The following ZBTB20 variants were observed in gnomAD, a reference collection of about 807,000 sequenced individuals.
The protein encoded by ZBTB20 is zinc finger and BTB domain containing 20.
In ZBTB20, 9 loss-of-function variants were observed where a neutral mutation model predicts 56.9. The observed-to-expected ratio is 0.16, with a 90% CI of 0.10 to 0.28. The LOEUF (loss-of-function observed/expected upper bound fraction) is 0.28. Among genes scored for constraint, ZBTB20 ranks in the 10% least tolerant of loss-of-function variants. The probability of loss-of-function intolerance (pLI) is 1.00; values close to 1 mark genes in which losing one functional copy is unlikely to be tolerated. For synonymous variants in ZBTB20, 417 were observed against 420.7 expected (o/e 0.99, Z 0.11); for missense variants, 655 against 1,003.0 (o/e 0.65, Z 4.69).
At chr3:114,854,271 T>G (rs2075139107) in intron 4 of ZBTB20, among the ~76,000 whole-genome samples, 1 of 152,174 alleles carries the variant, frequency 6.6e-6, no homozygotes, top group Non-Finnish European at 1.5e-5. Context: ...ATAAGAGCCT[T>G]AATAATAAAA....
At chr3:114,804,361 G>A (rs1000450730) in intron 4 of ZBTB20, among the ~76,000 whole-genome samples, 9 of 151,858 alleles carry the variant, frequency 5.9e-5, no homozygotes, top group Non-Finnish European at 4.4e-5. Flanking sequence ...ATATCACCAG[G>A]TCACAGAACT....
At chr3:115,025,485 C>A (rs1188870738) in intron 2 of ZBTB20, among the ~76,000 whole-genome samples, 3 of 150,816 alleles carry the variant, frequency 2.0e-5, no homozygotes, top group Non-Finnish European at 3.0e-5. Flanking sequence ...TGAAGATTCA[C>A]ATGAAATAGC....
At chr3:114,620,300 CT>C (rs922730144) in intron 6 of ZBTB20, among the ~76,000 whole-genome samples, 1 of 151,060 alleles carries the variant, frequency 6.6e-6, no homozygotes, top group Admixed American at 6.6e-5. Flanking sequence ...CTTTTCTTTT[CT>C]TTTTTTTTGA....
intron 5 of ZBTB20, among the ~76,000 whole-genome samples, chr3:114,776,277 T>C (rs757902377): frequency 2.0e-5 from 3 of 151,658 alleles, no homozygotes; most frequent in Non-Finnish European, 4.4e-5. Flanking sequence ...AAAAAAAGAC[T>C]TTGCAGGTAT....
At chr3:114,905,189 TA>T (rs946511318) in intron 3 of ZBTB20, among the ~76,000 whole-genome samples, 10 of 151,916 alleles carry the variant, frequency 6.6e-5, no homozygotes, top group Non-Finnish European at 8.8e-5. Context: ...TCACAACTTT[TA>T]AAATAAAAGT....
Position 114,967,657 on chromosome 3 carries a change from A to T in ZBTB20, c.-456+6709T>A, listed in dbSNP as rs1171335482. Among the ~76,000 whole-genome samples, 3 of 152,162 alleles carry T rather than the reference A, an allele frequency of 2.0e-5. No individual in the cohort carries two copies. In the East Asian group the frequency reaches 5.8e-4, roughly 29 times the overall value. On this transcript the variant is annotated intron_variant, in intron 3 of 11. Transcript: ENST00000675478. ...AAGTCTCTTTCACCCTGATAAATACATTTAAAAAGTTGATCTCGGCTGGTC... is the reference window on the plus strand; with the variant it reads ...AAGTCTCTTTCACCCTGATAAATACTTTTAAAAAGTTGATCTCGGCTGGTC...
chr3:114,919,886 C>T (rs968044109), intron 3 of ZBTB20, among the ~76,000 whole-genome samples: 1 of 152,064 alleles, frequency 6.6e-6, no homozygotes, highest in Non-Finnish European at 1.5e-5. Flanking sequence ...AAGAGGCTCA[C>T]TTTAGCTGAA....
Position 114,802,556 on chromosome 3 carries a change from C to T in ZBTB20, c.-416-1382G>A, listed in dbSNP as rs144194099. On this transcript the variant is annotated intron_variant, in intron 4 of 11. Coordinates refer to ENST00000675478, the MANE Select transcript of ZBTB20 (RefSeq NM_001348800.3). ...ATGCCTGAATTAGGCTAAAAATGAA[C>T]CAGCGTAAAGGCAGAAATTATGGAG... 2.9e-3 allele frequency among the ~76,000 whole-genome samples: 444 copies of T among 151,852 alleles called. 3 individuals carry two copies. The highest frequency in any genetic ancestry group is 7.0e-3 in the Admixed American group (106 of 15,204).
At chr3:114,400,048 A>G (rs2086683181) in intron 7 of ZBTB20, among the ~76,000 whole-genome samples, 1 of 152,122 alleles carries the variant, frequency 6.6e-6, no homozygotes, top group Admixed American at 6.5e-5. Flanking sequence ...TAAAACCAAG[A>G]TTTTCAGCAG....
chr3:114,524,818 G>A (rs982909263), intron 6 of ZBTB20, among the ~76,000 whole-genome samples: 1 of 152,012 alleles, frequency 6.6e-6, no homozygotes, highest in East Asian at 1.9e-4. Context: ...AGGTTCAAGC[G>A]ATTCCCCTGC....
chr3:114,810,019 C>T (rs1309611351), intron 4 of ZBTB20, among the ~76,000 whole-genome samples: 2 of 152,208 alleles, frequency 1.3e-5, no homozygotes, highest in Admixed American at 6.5e-5. Context: ...GGTCAGCCAA[C>T]GATCAGTCAC....
At chr3:114,913,997 T>A (rs2075645275) in intron 3 of ZBTB20, among the ~76,000 whole-genome samples, 1 of 152,006 alleles carries the variant, frequency 6.6e-6, no homozygotes, top group Admixed American at 6.6e-5. Flanking sequence ...TGTAGTATAA[T>A]TTGAACTCAG....
At chr3:114,578,447 T>G (rs994865476) in intron 6 of ZBTB20, among the ~76,000 whole-genome samples, 19 of 152,070 alleles carry the variant, frequency 1.2e-4, no homozygotes, top group African/African-American at 4.3e-4. Context: ...ACTGGAGTCC[T>G]GAGATTAATA....
rs922405104 is a variant in ZBTB20 at position 114,330,152 on chromosome 3, A to C, written c.*8853T>G. Reference sequence around the variant, plus strand: ...ACACCAACAAAAAAGTTTCAAAAAAAGTTTTCACTTTCCTACATTTGCTAA... The same window carrying C: ...ACACCAACAAAAAAGTTTCAAAAAACGTTTTCACTTTCCTACATTTGCTAA... On this transcript the variant is annotated 3_prime_UTR_variant, in exon 12 of 12. Transcript: ENST00000675478. The C allele has an allele frequency of 6.6e-6, 1 of 152,244 alleles. No homozygotes were observed. The highest frequency in any genetic ancestry group is 2.4e-5 in the African/African-American group (1 of 41,466). 9.4% of individuals were successfully genotyped at this position (152,244 alleles called of 1,614,324 possible).
intron 6 of ZBTB20, among the ~76,000 whole-genome samples, chr3:114,515,480 G>A (rs1254529163): frequency 5.3e-5 from 8 of 152,124 alleles, no homozygotes; most frequent in Non-Finnish European, 1.0e-4. Flanking sequence ...GCAGAATTAC[G>A]GTTTCCAGCA....
In ZBTB20 at chr3:114,859,183, C is replaced by T. The variant is rs1406294649; in HGVS notation, c.-417+41121G>A. Among the ~76,000 whole-genome samples the T allele has an allele frequency of 2.0e-5, 3 of 152,014 alleles. No homozygotes were observed. In the East Asian group the frequency reaches 5.8e-4, roughly 29 times the overall value. ...CTCCCTTCTGCTGCCTGCCTGCCCA[C>T]CTTTCTTCCTTCCTTCCTTCGTTCC... is the stretch of plus-strand genomic sequence containing the variant. On this transcript the variant is annotated intron_variant, in intron 4 of 11. Transcript: ENST00000675478.
intron 1 of ZBTB20, among the ~76,000 whole-genome samples, chr3:115,141,146 T>C (rs2084801605): frequency 6.6e-6 from 1 of 152,134 alleles, no homozygotes; most frequent in Non-Finnish European, 1.5e-5. Context: ...GACCTCATGA[T>C]ATGGGAATCA....
At chr3:114,979,656 T>G (rs550798703) in intron 2 of ZBTB20, among the ~76,000 whole-genome samples, 12 of 152,166 alleles carry the variant, frequency 7.9e-5, no homozygotes, top group African/African-American at 2.9e-4. Flanking sequence ...GTATTTTATT[T>G]TAAAAGGCAA....
chr3:114,507,383 A>C (rs2044763656), intron 6 of ZBTB20, among the ~76,000 whole-genome samples: 3 of 152,122 alleles, frequency 2.0e-5, no homozygotes, highest in Admixed American at 6.6e-5. Context: ...GAGCTATAGA[A>C]ACAAAAGCAA....
Sources: allele counts gnomAD v4.1 joint callset (sites outside exome capture counted in the v4.1 genomes callset), GRCh38; gene constraint gnomAD v4.1.1; transcripts MANE v1.5; gene names NCBI Gene and HGNC (gene_info 2026-07-23, HGNC 2026-07-21).